The following SLCO2A1 variants were observed in gnomAD, a reference collection of about 807,000 sequenced individuals.
The protein encoded by SLCO2A1 is solute carrier organic anion transporter family member 2A1, also known as matrin F/G 1.
A neutral mutation model predicts 71.7 loss-of-function variants in SLCO2A1; 60 were observed. The ratio of observed to expected loss-of-function variants is 0.84; its 90% CI spans 0.68 to 1.04. The LOEUF (loss-of-function observed/expected upper bound fraction) is 1.04. Among genes scored for constraint, SLCO2A1 ranks in the 50% least tolerant of loss-of-function variants. The pLI is 0.00. For missense variants in SLCO2A1, 745 were observed against 813.4 expected (o/e 0.92, Z 1.02); for synonymous variants, 308 against 326.7 (o/e 0.94, Z 0.62).
At chr3:134,017,726 G>A (rs1012931546) in intron 1 of SLCO2A1, among the ~76,000 whole-genome samples, 1 of 152,202 alleles carries the variant, frequency 6.6e-6, no homozygotes, top group African/African-American at 2.4e-5. Context: ...GCTGGTTAAA[G>A]ACATGGAGCA....
intron 3 of SLCO2A1, among the ~76,000 whole-genome samples, chr3:133,964,532 C>A (rs538534460): frequency 6.6e-6 from 1 of 152,274 alleles, no homozygotes; most frequent in South Asian, 2.1e-4. Flanking sequence ...AAGATCAATG[C>A]TGGTCACCAG....
chr3:133,953,430 T>C (rs1270133215), intron 5 of SLCO2A1, among the ~76,000 whole-genome samples: 1 of 152,202 alleles, frequency 6.6e-6, no homozygotes, highest in Non-Finnish European at 1.5e-5. Context: ...GGGCAGAAAG[T>C]GAGTTTGCTT....
intron 1 of SLCO2A1, among the ~76,000 whole-genome samples, chr3:134,009,424 A>G (rs1331989179): frequency 6.6e-6 from 1 of 152,242 alleles, no homozygotes; most frequent in African/African-American, 2.4e-5. Context: ...TATTTTATAG[A>G]TGGATGTCCC....
At chr3:134,002,250 G>A (rs909138388) in intron 1 of SLCO2A1, among the ~76,000 whole-genome samples, 3 of 152,188 alleles carry the variant, frequency 2.0e-5, no homozygotes, top group African/African-American at 7.2e-5. Flanking sequence ...ATTCCAATAT[G>A]TGGTGGTCTC....
At chr3:133,947,189 T>C (rs1933603572) in intron 9 of SLCO2A1, 67 bp downstream of exon 9, 4 of 1,341,310 alleles carry the variant, frequency 3.0e-6, no homozygotes, top group Non-Finnish European at 3.1e-6. Flanking sequence ...GGAAGGAAGA[T>C]GTATAACAGC....
chr3:133,969,488 G>C (rs1934277162), intron 3 of SLCO2A1, among the ~76,000 whole-genome samples: 1 of 152,100 alleles, frequency 6.6e-6, no homozygotes, highest in Admixed American at 6.5e-5. Context: ...CTGGGCTCAA[G>C]TGATCCTCCC....
rs149850080 is a variant in SLCO2A1 at position 133,935,833 on chromosome 3, C to T, written c.1755G>A (p.Ser585=). The change falls in exon 13 of 14, where the codon TCG becomes TCA. Residue 585 remains serine (S), a synonymous_variant. Transcript: ENST00000310926. ...AGGCCCCTCGCCTCCCCAAGCACAG[C>T]GAGTTCCACCGGATGCAGGAGTGGT... ...TIDHSCIRWN[S]LCLGRRGACA... 1.4e-3 allele frequency: 2,211 copies of T among 1,611,598 alleles called. 32 individuals are homozygous for T. The African/African-American group carries it at 0.026, about 19-fold the overall frequency.
At chr3:133,942,150 C>T (rs56106050) in intron 11 of SLCO2A1, among the ~76,000 whole-genome samples, 10 of 152,224 alleles carry the variant, frequency 6.6e-5, no homozygotes, top group Admixed American at 2.0e-4. Flanking sequence ...CTGGCCACCA[C>T]GCCCAGCTAA....
At chr3:133,943,562 T>G (rs1383451528) in intron 10 of SLCO2A1, among the ~76,000 whole-genome samples, 1 of 152,258 alleles carries the variant, frequency 6.6e-6, no homozygotes, top group Non-Finnish European at 1.5e-5. Flanking sequence ...GCTGTTACTT[T>G]CCTCAGTCTG....
At chr3:134,014,272 C>G (rs1008723628) in intron 1 of SLCO2A1, among the ~76,000 whole-genome samples, 8 of 152,142 alleles carry the variant, frequency 5.3e-5, no homozygotes, top group African/African-American at 1.9e-4. Flanking sequence ...CCTGGGGTTA[C>G]TGCTCTGGCT....
At chr3:133,979,387 G>A in intron 2 of SLCO2A1, 94 bp downstream of exon 2, 1 of 1,493,096 alleles carries the variant, frequency 6.7e-7, no homozygotes, top group Non-Finnish European at 9.3e-7. Context: ...GCACCTATGT[G>A]CACATCTCAG....
At position 133,942,673 on chromosome 3, in the gene SLCO2A1, G is replaced by T. The variant is rs1045795814; in HGVS notation, c.1557C>A (p.Ile519=). ...VPCAHFLLPA[I]FLISFVSLIA... ...TCAGGGACACGAAGGAGATGAGGAA[G>T]ATGGCCGGGAGCAGGAAGTGGGCAC... Residue 519 remains isoleucine (I), a synonymous_variant, in exon 11 of 14, where the codon ATC becomes ATA. Transcript: ENST00000310926. The T allele has an allele frequency of 1.2e-6, 2 of 1,613,898 alleles. No individual in the cohort carries two copies. Among genetic ancestry groups the T allele is most frequent in the African/African-American group, 2.7e-5 (2 of 74,908 alleles).
chr3:133,969,020 C>A (rs4854776), intron 3 of SLCO2A1, among the ~76,000 whole-genome samples: 69,123 of 152,090 alleles, frequency 0.45, 16,770 homozygotes, highest in East Asian at 0.8. Flanking sequence ...GCTACTCTTC[C>A]TTTCCCATGT....
At chr3:133,966,490 C>G (rs1357529153) in intron 3 of SLCO2A1, among the ~76,000 whole-genome samples, 1 of 152,180 alleles carries the variant, frequency 6.6e-6, no homozygotes, top group Non-Finnish European at 1.5e-5. Context: ...CAGCCCCAGG[C>G]CAAGAAGAGG....
intron 1 of SLCO2A1, among the ~76,000 whole-genome samples, chr3:134,018,523 T>A (rs1559960179): frequency 6.6e-6 from 1 of 152,158 alleles, no homozygotes; most frequent in Non-Finnish European, 1.5e-5. Flanking sequence ...GGTTTGCCTT[T>A]CCCTTCTTCC....
intron 1 of SLCO2A1, among the ~76,000 whole-genome samples, chr3:133,992,067 C>T (rs993767391): frequency 2.0e-5 from 3 of 152,166 alleles, no homozygotes; most frequent in East Asian, 1.9e-4. Flanking sequence ...AAGTCCTGAC[C>T]GAATCGGACT....
At chr3:134,017,865 C>A (rs977084795) in intron 1 of SLCO2A1, among the ~76,000 whole-genome samples, 1 of 152,158 alleles carries the variant, frequency 6.6e-6, no homozygotes, top group Non-Finnish European at 1.5e-5. Context: ...AGGGAAGCCA[C>A]GTGCACATCT....
At chr3:134,014,629 A>G (rs1047519874) in intron 1 of SLCO2A1, among the ~76,000 whole-genome samples, 2 of 152,178 alleles carry the variant, frequency 1.3e-5, no homozygotes, top group Admixed American at 1.3e-4. Flanking sequence ...CATCTCAATC[A>G]GCAACTTAAC....
intron 1 of SLCO2A1, among the ~76,000 whole-genome samples, chr3:133,984,279 C>G (rs1370054967): frequency 6.6e-6 from 1 of 152,180 alleles, no homozygotes; most frequent in African/African-American, 2.4e-5. Context: ...AAGACTCTAG[C>G]CAGAGCTGGC....
Sources: gnomAD v4.1 joint callset for allele counts (sites outside exome capture counted in the v4.1 genomes callset) on GRCh38, gnomAD v4.1.1 for gene constraint, MANE v1.5 for transcripts, NCBI Gene and HGNC (gene_info 2026-07-23, HGNC 2026-07-21) for gene names.